Variants in PATJ observed in about 807,000 individuals in gnomAD.
PATJ encodes PATJ crumbs cell polarity complex component, also known as inaD-like protein.
Under a neutral mutation model 224.9 loss-of-function variants are expected in PATJ, and 190 were observed. That is an observed-to-expected ratio of 0.84 (90% CI 0.75 to 0.95). The LOEUF (loss-of-function observed/expected upper bound fraction) is 0.95, where lower values mean the gene tolerates loss of function less well. PATJ is among the 40% of genes least tolerant of loss of function. The pLI is 0.00. For missense variants in PATJ, 2,121 were observed against 2,270.3 expected (o/e 0.93, Z 1.34); for synonymous variants, 769 against 820.3 (o/e 0.94, Z 1.07).
rs1381362247 is a variant in PATJ at position 62,079,534 on chromosome 1, T to A, written c.4210T>A (p.Tyr1404Asn). ...QEIPLAPASS[Y>N]HSTDADFTGY... ...GATACCATTAGCACCAGCTTCATCA[T>A]ACCATTCAACAGATGCAGACTTCAC... is the stretch of plus-strand genomic sequence containing the variant. Residue 1404 changes from tyrosine (Y) to asparagine (N), a missense_variant, in exon 32 of 44, where the codon TAC becomes AAC. By Grantham distance (143) the Tyr-to-Asn change is moderately radical. Coordinates refer to ENST00000642238, the MANE Select transcript of PATJ (RefSeq NM_001350145.3). 6.2e-7 allele frequency: 1 copy of A among 1,611,920 alleles called. No homozygotes were observed.
chr1:62,101,425 G>C (rs1384104892), intron 33 of PATJ, among the ~76,000 whole-genome samples: 1 of 151,890 alleles, frequency 6.6e-6, no homozygotes, highest in African/African-American at 2.4e-5. Context: ...ATCACGCCCA[G>C]CTAATTTTTG....
At chr1:61,922,497 C>T (rs115979168) in intron 26 of PATJ, among the ~76,000 whole-genome samples, 2,836 of 152,292 alleles carry the variant, frequency 0.019, 79 homozygotes, top group African/African-American at 0.058. Context: ...TGCCTGGCAT[C>T]ATATATATTT....
At chr1:62,147,796 TAA>T (rs34657838) in intron 41 of PATJ, among the ~76,000 whole-genome samples, 27 of 128,350 alleles carry the variant, frequency 2.1e-4, no homozygotes, top group Admixed American at 3.2e-4. Flanking sequence ...AGACTCCGAC[TAA>T]AAAAAAAAAA....
intron 27 of PATJ, among the ~76,000 whole-genome samples, chr1:61,953,558 C>T (rs1680022521): frequency 6.6e-6 from 1 of 152,212 alleles, no homozygotes; most frequent in Non-Finnish European, 1.5e-5. Flanking sequence ...GGATGCGTCA[C>T]AGATTCCCTG....
chr1:61,798,126 C>G (rs1196695504), intron 11 of PATJ, among the ~76,000 whole-genome samples: 1 of 152,146 alleles, frequency 6.6e-6, no homozygotes, highest in African/African-American at 2.4e-5. Context: ...TTACTTTTAA[C>G]AATATATTTT....
chr1:62,070,518 G>C (rs542201494), intron 31 of PATJ, among the ~76,000 whole-genome samples: 119 of 152,294 alleles, frequency 7.8e-4, no homozygotes, highest in African/African-American at 2.6e-3. Flanking sequence ...ATCATATTAA[G>C]ATATGGGAGA....
At chr1:61,992,488 T>G (rs965610043) in intron 28 of PATJ, among the ~76,000 whole-genome samples, 4 of 152,174 alleles carry the variant, frequency 2.6e-5, no homozygotes, top group Non-Finnish European at 4.4e-5. Flanking sequence ...TGCTTTAGTC[T>G]TCAGGGAATC....
At chr1:61,928,375 G>A (rs1485739018) in intron 27 of PATJ, among the ~76,000 whole-genome samples, 2 of 152,122 alleles carry the variant, frequency 1.3e-5, no homozygotes, top group Non-Finnish European at 2.9e-5. Flanking sequence ...TATTGCTAAT[G>A]TATACCAAAT....
chr1:62,072,402 C>G (rs558263686), intron 31 of PATJ: 1 of 151,638 alleles, frequency 6.6e-6, no homozygotes, highest in African/African-American at 2.4e-5. Flanking sequence ...ATTAGTGTAA[C>G]GAAAAAGAAA....
intron 31 of PATJ, among the ~76,000 whole-genome samples, chr1:62,074,819 C>T (rs995855384): frequency 6.6e-6 from 1 of 152,024 alleles, no homozygotes; most frequent in Non-Finnish European, 1.5e-5. Flanking sequence ...CCAAAATTAG[C>T]CAGGCGTGGT....
chr1:61,826,466 A>G (rs958169529), intron 15 of PATJ, among the ~76,000 whole-genome samples: 1 of 152,220 alleles, frequency 6.6e-6, no homozygotes, highest in Admixed American at 6.5e-5. Flanking sequence ...ATGCGAAAAG[A>G]TTATTTGTTG....
intron 21 of PATJ, among the ~76,000 whole-genome samples, chr1:61,883,939 G>A (rs1668450518): frequency 6.7e-6 from 1 of 148,368 alleles, no homozygotes; most frequent in Non-Finnish European, 1.5e-5. Flanking sequence ...AAAATGTGTA[G>A]TAAGATTAGA....
intron 30 of PATJ, 35 bp downstream of exon 30, chr1:62,038,084 G>C: frequency 7.7e-7 from 1 of 1,307,176 alleles, no homozygotes. Flanking sequence ...TAGTATATTA[G>C]ATGGATTTGT....
chr1:62,040,748 T>A (rs1651327394), intron 30 of PATJ, among the ~76,000 whole-genome samples: 1 of 152,138 alleles, frequency 6.6e-6, no homozygotes, highest in Non-Finnish European at 1.5e-5. Context: ...TTATTCTAGA[T>A]GCAGTAGAAG....
intron 30 of PATJ, among the ~76,000 whole-genome samples, chr1:62,045,491 A>G (rs981297512): frequency 6.6e-6 from 1 of 152,220 alleles, no homozygotes; most frequent in African/African-American, 2.4e-5. Flanking sequence ...TCTGAAAAAG[A>G]CTAACCTCAG....
chr1:61,803,528 T>G (rs2148599437), intron 12 of PATJ, among the ~76,000 whole-genome samples: 1 of 152,224 alleles, frequency 6.6e-6, no homozygotes, highest in South Asian at 2.1e-4. Context: ...CGAAAACCGG[T>G]AAAGACAATG....
chr1:61,836,892 G>A (rs1660264712), intron 17 of PATJ, among the ~76,000 whole-genome samples: 1 of 152,224 alleles, frequency 6.6e-6, no homozygotes, highest in South Asian at 2.1e-4. Context: ...AGAACAAAAA[G>A]TACTGCAGAA....
rs559929587 is a variant in PATJ, at chr1:61,782,227, C to CT, written c.850-5519dup. On this transcript the variant is annotated intron_variant, in intron 7 of 43. Coordinates refer to ENST00000642238, the MANE Select transcript of PATJ (RefSeq NM_001350145.3). Reference sequence around the variant, plus strand: ...AGTAGTCTTAGGCCTGCCATTAATGCTTTTTTTTATTTTTTGGCAGGAGAT... The same window carrying CT: ...AGTAGTCTTAGGCCTGCCATTAATGCTTTTTTTTTATTTTTTGGCAGGAGAT... 9.5e-3 allele frequency among the ~76,000 whole-genome samples: 1,438 copies of CT among 152,140 alleles called. 23 individuals are homozygous for CT. The highest frequency in any genetic ancestry group is 0.033 in the African/African-American group (1,381 of 41,502).
At chr1:62,138,869 C>T (rs551160089) in intron 41 of PATJ, among the ~76,000 whole-genome samples, 2 of 152,244 alleles carry the variant, frequency 1.3e-5, no homozygotes, top group African/African-American at 2.4e-5. Context: ...GCCTATTGTC[C>T]GGGTAAGGAC....
Sources: allele counts gnomAD v4.1 joint callset (sites outside exome capture counted in the v4.1 genomes callset), GRCh38; gene constraint gnomAD v4.1.1; transcripts MANE v1.5; gene names NCBI Gene and HGNC (gene_info 2026-07-23, HGNC 2026-07-21).